GRSF1: variants seen among roughly 807,000 people sequenced by gnomAD.
GRSF1 encodes G-rich sequence factor 1.
In GRSF1, 50 loss-of-function variants were observed where a neutral mutation model predicts 51.1. The observed-to-expected ratio is 0.98, with a 90% CI of 0.78 to 1.24. The LOEUF is 1.24. Among genes scored for constraint, GRSF1 ranks in the 50% most tolerant of loss-of-function variants. GRSF1 has a pLI of 0.00. For synonymous variants in GRSF1, 293 were observed against 253.3 expected, an observed-to-expected ratio of 1.16 and a Z score of -1.49; for missense variants, 700 against 639.7, an observed-to-expected ratio of 1.09 and a Z score of -1.02.
At chr4:70,836,956 G>C (rs71599973) in intron 1 of GRSF1, among the ~76,000 whole-genome samples, 1 of 152,206 alleles carries the variant, frequency 6.6e-6, no homozygotes, top group African/African-American at 2.4e-5. Flanking sequence ...TGGCAAAAGA[G>C]GTTGGTACCA....
Position 70,832,470 on chromosome 4 carries a change from C to T in GRSF1, c.671-20G>A, listed in dbSNP as rs1483696728. 1.3e-6 allele frequency: 2 copies of T among 1,496,190 alleles called. No individual in the cohort carries two copies. Among genetic ancestry groups the T allele is most frequent in the Admixed American group, 1.8e-5 (1 of 56,022 alleles). 92.7% of individuals were successfully genotyped at this position (1,496,190 alleles called of 1,614,324 possible). On this transcript the variant is annotated intron_variant, in intron 3 of 9. Coordinates refer to ENST00000254799, the MANE Select transcript of GRSF1 (RefSeq NM_002092.4). ...CATATACTACGAAGAAAAAACCCAACAGGGATGAAAAATTTACATAACAAA... is the reference window on the plus strand; with the variant it reads ...CATATACTACGAAGAAAAAACCCAATAGGGATGAAAAATTTACATAACAAA...
rs1052046301 is a variant in GRSF1 at position 70,819,192 on chromosome 4, A to C, written c.*1695T>G. On this transcript the variant is annotated 3_prime_UTR_variant, in exon 10 of 10. Coordinates refer to ENST00000254799, the MANE Select transcript of GRSF1 (RefSeq NM_002092.4). Reference sequence around the variant, plus strand: ...TGTGCAAATAAAACTCATTAGCTTAAATCAATTGCAGATGAATTCCTCACA... The same window carrying C: ...TGTGCAAATAAAACTCATTAGCTTACATCAATTGCAGATGAATTCCTCACA... 2.0e-5 allele frequency: 3 copies of C among 152,178 alleles called. No individual in the cohort carries two copies. The highest frequency in any genetic ancestry group is 2.0e-4 in the Admixed American group (3 of 15,262). 9.4% of individuals were successfully genotyped at this position (152,178 alleles called of 1,614,324 possible). A position where few individuals can be genotyped will look rare whatever the true frequency, so the allele number is the denominator to read the frequency against.
At chr4:70,826,847 C>G (rs1189410938) in intron 6 of GRSF1, among the ~76,000 whole-genome samples, 1 of 151,842 alleles carries the variant, frequency 6.6e-6, no homozygotes, top group Non-Finnish European at 1.5e-5. Flanking sequence ...GACTTTGTCT[C>G]AAAAAACAAA....
rs1421212636 is a variant in GRSF1 at position 70,839,854 on chromosome 4, A to C, written c.-27T>G. ...GACTCCGGAGGCGGCGCAGGGCCTG[A>C]AGGCAGCTGCTCCAGCAGCGATGGT... is the stretch of plus-strand genomic sequence containing the variant. On this transcript the variant is annotated 5_prime_UTR_variant, in exon 1 of 10. Transcript: ENST00000254799. 3 of 1,462,082 alleles carry C rather than the reference A, an allele frequency of 2.1e-6. No homozygotes were observed. The highest frequency in any genetic ancestry group is 2.7e-6 in the Non-Finnish European group (3 of 1,115,942). The allele number at this position is 1,462,082 out of a possible 1,614,324, so 90.6% of individuals were successfully genotyped here. A position where few individuals can be genotyped will look rare whatever the true frequency, so the allele number is the denominator to read the frequency against.
intron 9 of GRSF1, among the ~76,000 whole-genome samples, chr4:70,822,580 T>A (rs1456405919): frequency 1.2e-4 from 6 of 52,118 alleles, no homozygotes; most frequent in Non-Finnish European, 1.7e-4. Context: ...TGAGATTTCA[T>A]ATCAAAAAAA....
rs568963583 is a variant in GRSF1 at position 70,836,256 on chromosome 4, G to A, written c.416C>T (p.Pro139Leu). 2.1e-5 allele frequency: 34 copies of A among 1,609,186 alleles called. No homozygotes were observed. The Admixed American group carries it at 2.4e-4, about 11-fold the overall frequency. Residue 139 changes from proline (P) to leucine (L), a missense_variant, in exon 2 of 10, where the codon CCG (proline) becomes CTG (leucine). Physicochemically the swap from Pro to Leu is moderately conservative, Grantham distance 98 (BLOSUM62 -3). Transcript: ENST00000254799. ...ATCCACTTCCTCTTCTAACTTGGACGGGGCCAATTCATACTCAGGGGGTGG... is the reference window on the plus strand; with the variant it reads ...ATCCACTTCCTCTTCTAACTTGGACAGGGCCAATTCATACTCAGGGGGTGG... ...LPPPPEYELA[P>L]SKLEEEVDDV... is the part of the protein sequence containing the mutation.
At chr4:70,821,031 C>T (rs1380004089) in intron 9 of GRSF1, among the ~76,000 whole-genome samples, 170 bp from the exon 10 acceptor site, 1 of 152,172 alleles carries the variant, frequency 6.6e-6, no homozygotes, top group Non-Finnish European at 1.5e-5. Flanking sequence ...TTAGTGTTTA[C>T]AGGCTGGTAC....
At chr4:70,824,266 A>G in intron 9 of GRSF1, 28 bp downstream of exon 9, 1 of 950,068 alleles carries the variant, frequency 1.1e-6, no homozygotes, top group African/African-American at 1.6e-5. Flanking sequence ...CACTGCACCC[A>G]GCCCACAGTA....
At chr4:70,821,122 T>C (rs895991448) in intron 9 of GRSF1, among the ~76,000 whole-genome samples, 3 of 152,162 alleles carry the variant, frequency 2.0e-5, no homozygotes, top group African/African-American at 4.8e-5. Context: ...TGGGACTTCA[T>C]ATCCAAAAAT....
chr4:70,828,348 T>C (rs1252961974), intron 5 of GRSF1, among the ~76,000 whole-genome samples: 2 of 152,216 alleles, frequency 1.3e-5, no homozygotes, highest in African/African-American at 4.8e-5. Flanking sequence ...CAGAAAAAAT[T>C]AATCTCATAA....
chr4:70,832,175 T>C, intron 4 of GRSF1, 132 bp downstream of exon 4: 2 of 531,290 alleles, frequency 3.8e-6, no homozygotes, highest in East Asian at 3.1e-5. Flanking sequence ...GAAATTTAAG[T>C]GAAGAGCTCT....
At chr4:70,833,058 C>A in intron 3 of GRSF1, 60 bp downstream of exon 3, 1 of 1,450,608 alleles carries the variant, frequency 6.9e-7, no homozygotes, top group Non-Finnish European at 9.5e-7. Context: ...TAAAAACTAC[C>A]TTGAAAAGTA....
rs944069240 is a variant in GRSF1, at chr4:70,836,377, T to G, written c.358-63A>C. The stretch of plus-strand genomic sequence containing the variant: ...TTTACAGGTAAAAAATGTAAAAAAA[T>G]TCTTAGAAAATGTTTATTCTACAAA... On this transcript the variant is annotated intron_variant, in intron 1 of 9. Coordinates refer to ENST00000254799, the MANE Select transcript of GRSF1 (RefSeq NM_002092.4). 7 of 1,235,996 alleles carry G rather than the reference T, an allele frequency of 5.7e-6. No homozygotes were observed. The East Asian group carries it at 1.6e-4, about 28-fold the overall frequency. The allele number at this position is 1,235,996 out of a possible 1,614,324, so 76.6% of individuals were successfully genotyped here. A position where few individuals can be genotyped will look rare whatever the true frequency, so the allele number is the denominator to read the frequency against.
In GRSF1 at chr4:70,818,466, CAGA is replaced by C. The variant is rs1195288376; in HGVS notation, c.*2418_*2420del. ...CTTATGCTTCCCCCTTCAAGTAACA[CAGA>C]AGTAGTGAGAATTTGGAGCCTTCCT... On this transcript the variant is annotated 3_prime_UTR_variant, in exon 10 of 10. Transcript: ENST00000254799. The C allele has an allele frequency of 2.6e-5, 4 of 152,274 alleles. No homozygotes were observed. The highest frequency in any genetic ancestry group is 7.2e-5 in the African/African-American group (3 of 41,552). The allele number at this position is 152,274 out of a possible 1,614,324, so 9.4% of individuals were successfully genotyped here.
rs369371894 is a variant in GRSF1, at chr4:70,836,273, A to C, written c.399T>G (p.Pro133=). 16 of 1,601,304 alleles carry C rather than the reference A, an allele frequency of 1.0e-5. No homozygotes were observed. Among genetic ancestry groups the C allele is most frequent in the Non-Finnish European group, 1.4e-5 (16 of 1,176,484 alleles). ...TTYLEDLPPP[P]EYELAPSKLE... Reference sequence around the variant, plus strand: ...ACTTGGACGGGGCCAATTCATACTCAGGGGGTGGTGGAAGGTCTTCCAGGT... The same window carrying C: ...ACTTGGACGGGGCCAATTCATACTCCGGGGGTGGTGGAAGGTCTTCCAGGT... Residue 133 remains proline, a synonymous_variant, in exon 2 of 10, where the codon CCT becomes CCG. Coordinates refer to ENST00000254799, the MANE Select transcript of GRSF1 (RefSeq NM_002092.4).
intron 7 of GRSF1, 148 bp from the exon 8 acceptor site, chr4:70,825,579 A>G: frequency 1.9e-6 from 1 of 517,580 alleles, no homozygotes. Flanking sequence ...TAATATATTT[A>G]TATATCTAGT....
intron 9 of GRSF1, among the ~76,000 whole-genome samples, chr4:70,823,481 CTT>C (rs58887177): frequency 1.7e-3 from 226 of 135,778 alleles, no homozygotes; most frequent in Admixed American, 2.1e-3. Context: ...GCAGAATTTT[CTT>C]TTTTTTTTTT....
upstream of GRSF1, among the ~76,000 whole-genome samples, chr4:70,842,487 G>A (rs961314019): frequency 7.2e-5 from 11 of 152,098 alleles, no homozygotes; most frequent in African/African-American, 2.7e-4. Flanking sequence ...CCGAGCTGGG[G>A]TGCAGTGGTG....
chr4:70,836,369 T>TA (rs1320216558), intron 1 of GRSF1, 55 bp from the exon 2 acceptor site: 7 of 1,287,544 alleles, frequency 5.4e-6, no homozygotes, highest in Non-Finnish European at 7.4e-6. Flanking sequence ...GTAAAAAATG[T>TA]AAAAAAATTC....
Sources: allele counts gnomAD v4.1 joint callset (sites outside exome capture counted in the v4.1 genomes callset), GRCh38; gene constraint gnomAD v4.1.1; transcripts MANE v1.5; gene names NCBI Gene and HGNC (gene_info 2026-07-23, HGNC 2026-07-21).